Variants in CYP39A1 observed in about 807,000 individuals in gnomAD.
The protein encoded by CYP39A1 is cytochrome P450 family 39 subfamily A member 1.
A neutral mutation model predicts 58.1 loss-of-function variants in CYP39A1; 49 were observed. The ratio of observed to expected loss-of-function variants is 0.84; its 90% CI spans 0.67 to 1.07. CYP39A1 has a LOEUF of 1.07. Ranked by LOEUF, CYP39A1 falls within the 50% of genes least tolerant of loss-of-function variation. CYP39A1 has a pLI of 0.00. For synonymous variants in CYP39A1, 209 were observed against 187.6 expected, an observed-to-expected ratio of 1.11 and a Z score of -0.93; for missense variants, 531 against 539.4, an observed-to-expected ratio of 0.98 and a Z score of 0.16.
In CYP39A1 at chr6:46,591,069, C is replaced by A. The variant is rs564458213; in HGVS notation, c.1066-2940G>T. ...TTTAAGGCTATAAATGCATGTTATT[C>A]AACTGTTTCCTCAAATTTTGTAGCA... On this transcript the variant is annotated intron_variant, in intron 8 of 11. Coordinates refer to ENST00000275016, the MANE Select transcript of CYP39A1 (RefSeq NM_016593.5). Among the ~76,000 whole-genome samples the A allele has an allele frequency of 2.6e-5, 4 of 152,230 alleles. No individual in the cohort carries two copies. The East Asian group carries it at 7.7e-4, about 29-fold the overall frequency.
intron 10 of CYP39A1, among the ~76,000 whole-genome samples, chr6:46,568,138 G>T (rs1372632396): frequency 6.6e-6 from 1 of 152,006 alleles, no homozygotes; most frequent in African/African-American, 2.4e-5. Flanking sequence ...GTTTTGATTT[G>T]CATTTCCCTA....
chr6:46,586,533 AAT>A, intron 10 of CYP39A1: 1 of 985,370 alleles, frequency 1.0e-6, no homozygotes, highest in Non-Finnish European at 1.2e-6. Flanking sequence ...TTCATTAAAC[AAT>A]GGACACTTGC....
chr6:46,626,336 T>C (rs1775306463), intron 6 of CYP39A1, among the ~76,000 whole-genome samples: 1 of 152,146 alleles, frequency 6.6e-6, no homozygotes, highest in African/African-American at 2.4e-5. Flanking sequence ...GGGTTTCACT[T>C]TCATTTTTTT....
At chr6:46,576,715 C>T (rs1434511832) in intron 10 of CYP39A1, among the ~76,000 whole-genome samples, 1 of 152,166 alleles carries the variant, frequency 6.6e-6, no homozygotes, top group Non-Finnish European at 1.5e-5. Flanking sequence ...GCACTGATAA[C>T]AGAGTAAACC....
intron 8 of CYP39A1, among the ~76,000 whole-genome samples, chr6:46,592,818 T>C (rs1265001557): frequency 6.6e-6 from 1 of 152,084 alleles, no homozygotes; most frequent in African/African-American, 2.4e-5. Flanking sequence ...CAACTGGGCA[T>C]GATGGCACAC....
At chr6:46,594,783 C>T (rs1395380888) in intron 8 of CYP39A1, among the ~76,000 whole-genome samples, 1 of 151,816 alleles carries the variant, frequency 6.6e-6, no homozygotes, top group African/African-American at 2.4e-5. Context: ...TCCAAAAGCA[C>T]AGGTAACCAA....
chr6:46,601,418 G>C (rs955439413), intron 7 of CYP39A1, among the ~76,000 whole-genome samples: 1 of 152,000 alleles, frequency 6.6e-6, no homozygotes, highest in African/African-American at 2.4e-5. Flanking sequence ...ATACCATTTA[G>C]AATTAAATCC....
chr6:46,641,254 A>T (rs930858836), intron 2 of CYP39A1, among the ~76,000 whole-genome samples: 5 of 152,190 alleles, frequency 3.3e-5, no homozygotes, highest in Admixed American at 2.6e-4. Context: ...CAAAATATTT[A>T]TATTATTTGA....
At chr6:46,611,480 T>C (rs1265891083) in intron 7 of CYP39A1, among the ~76,000 whole-genome samples, 1 of 152,210 alleles carries the variant, frequency 6.6e-6, no homozygotes, top group East Asian at 1.9e-4. Flanking sequence ...CGTGCACATA[T>C]TAAATATCCC....
rs146498839 is a variant in CYP39A1 at position 46,588,663 on chromosome 6, G to C, written c.1066-534C>G. On this transcript the variant is annotated intron_variant, in intron 8 of 11. Transcript: ENST00000275016. ...ATACTAATGACAGTGTTAGAGCAGGGGCAGTGGACTTTTCTTTCCTCAGTC... is the reference window on the plus strand; with the variant it reads ...ATACTAATGACAGTGTTAGAGCAGGCGCAGTGGACTTTTCTTTCCTCAGTC... 8.0e-3 allele frequency among the ~76,000 whole-genome samples: 1,223 copies of C among 152,202 alleles called. 14 individuals are homozygous for C. Among genetic ancestry groups the C allele is most frequent in the African/African-American group, 0.028 (1,162 of 41,528 alleles).
chr6:46,636,337 A>G (rs1775988288), intron 5 of CYP39A1, 52 bp downstream of exon 5: 6 of 1,346,472 alleles, frequency 4.5e-6, no homozygotes, highest in Non-Finnish European at 6.3e-6. Context: ...TTTTAACAAC[A>G]ATAATTTATT....
chr6:46,597,745 T>C (rs1466798870), intron 7 of CYP39A1, among the ~76,000 whole-genome samples: 1 of 152,080 alleles, frequency 6.6e-6, no homozygotes, highest in Non-Finnish European at 1.5e-5. Flanking sequence ...CTACAGACGA[T>C]CCTAAATGCC....
intron 10 of CYP39A1, among the ~76,000 whole-genome samples, chr6:46,554,758 C>G (rs1472046504): frequency 6.6e-6 from 1 of 152,152 alleles, no homozygotes; most frequent in Admixed American, 6.5e-5. Flanking sequence ...AGAACATTGT[C>G]ATAGACTAAA....
chr6:46,602,750 C>T (rs1055457072), intron 7 of CYP39A1, among the ~76,000 whole-genome samples: 1 of 148,670 alleles, frequency 6.7e-6, no homozygotes, highest in Non-Finnish European at 1.5e-5. Context: ...TAGAAGACAT[C>T]CTTGGATTTT....
intron 7 of CYP39A1, among the ~76,000 whole-genome samples, chr6:46,608,120 T>C (rs996767257): frequency 6.6e-6 from 1 of 152,238 alleles, no homozygotes; most frequent in South Asian, 2.1e-4. Context: ...AATTTTACAA[T>C]AGTAATATCT....
chr6:46,581,418 AAAGAG>A (rs1320187754), intron 10 of CYP39A1, among the ~76,000 whole-genome samples: 3 of 151,954 alleles, frequency 2.0e-5, no homozygotes, highest in Non-Finnish European at 4.4e-5. Flanking sequence ...AAAAAAAAAA[AAAGAG>A]AGAGACAGAG....
chr6:46,616,292 C>A (rs1239990775), intron 7 of CYP39A1, among the ~76,000 whole-genome samples: 2 of 135,750 alleles, frequency 1.5e-5, no homozygotes, highest in African/African-American at 5.6e-5. Flanking sequence ...TCATCTTGCT[C>A]TGTTGCCCAG....
intron 1 of CYP39A1, among the ~76,000 whole-genome samples, chr6:46,646,418 T>C (rs145223248): frequency 1.0e-3 from 155 of 152,250 alleles, no homozygotes; most frequent in African/African-American, 3.6e-3. Context: ...CCTATGTGGA[T>C]TGACAGACTT....
chr6:46,623,118 A>G (rs1447432276), intron 7 of CYP39A1, among the ~76,000 whole-genome samples: 1 of 152,124 alleles, frequency 6.6e-6, no homozygotes, highest in Non-Finnish European at 1.5e-5. Flanking sequence ...GAACAGAAAA[A>G]CTGCTGTGCT....
Sources: allele counts gnomAD v4.1 joint callset (sites outside exome capture counted in the v4.1 genomes callset), GRCh38; gene constraint gnomAD v4.1.1; transcripts MANE v1.5; gene names NCBI Gene and HGNC (gene_info 2026-07-23, HGNC 2026-07-21).